Variants in DCC observed in about 807,000 individuals in gnomAD.
DCC encodes netrin receptor DCC.
A neutral mutation model predicts 172.5 loss-of-function variants in DCC; 58 were observed. That is an observed-to-expected ratio of 0.34 (90% CI 0.27 to 0.42). The LOEUF is 0.42. DCC is among the 10% of genes least tolerant of loss of function. The probability of loss-of-function intolerance (pLI) is 1.00; values close to 1 mark genes in which losing one functional copy is unlikely to be tolerated. For synonymous variants in DCC, 709 were observed against 644.5 expected, an observed-to-expected ratio of 1.10 and a Z score of -1.52; for missense variants, 1,740 against 1,791.0, an observed-to-expected ratio of 0.97 and a Z score of 0.51.
chr18:52,666,098 C>G (rs370118578), intron 1 of DCC, among the ~76,000 whole-genome samples: 14 of 152,148 alleles, frequency 9.2e-5, no homozygotes, highest in African/African-American at 3.4e-4. Flanking sequence ...ACCAGCCTGG[C>G]CAACACGGTG....
intron 5 of DCC, among the ~76,000 whole-genome samples, chr18:52,970,829 G>A (rs1488095935): frequency 6.6e-6 from 1 of 152,132 alleles, no homozygotes; most frequent in Non-Finnish European, 1.5e-5. Flanking sequence ...AACAAGTGGA[G>A]CTTGGGGTAT....
intron 5 of DCC, among the ~76,000 whole-genome samples, chr18:53,054,231 C>A (rs2042372469): frequency 6.6e-6 from 1 of 151,702 alleles, no homozygotes; most frequent in Non-Finnish European, 1.5e-5. Flanking sequence ...ATTTTTTTAT[C>A]TGCAGTCGGT....
At chr18:53,166,819 G>C (rs1162021873) in intron 8 of DCC, among the ~76,000 whole-genome samples, 1 of 152,164 alleles carries the variant, frequency 6.6e-6, no homozygotes, top group Non-Finnish European at 1.5e-5. Context: ...TTATCTGGCA[G>C]TGAAACATCT....
intron 2 of DCC, among the ~76,000 whole-genome samples, chr18:52,841,321 A>G (rs1014243880): frequency 3.3e-5 from 5 of 152,076 alleles, no homozygotes; most frequent in Non-Finnish European, 7.4e-5. Context: ...ATGCATGTAG[A>G]GTGCATTGTA....
At chr18:52,993,730 T>C (rs2041432682) in intron 5 of DCC, among the ~76,000 whole-genome samples, 1 of 152,164 alleles carries the variant, frequency 6.6e-6, no homozygotes, top group African/African-American at 2.4e-5. Flanking sequence ...ATATTTCTGC[T>C]GTTTCAGTGA....
intron 1 of DCC, among the ~76,000 whole-genome samples, chr18:52,350,621 A>C (rs1984078331): frequency 6.6e-6 from 1 of 152,302 alleles, no homozygotes; most frequent in Non-Finnish European, 1.5e-5. Flanking sequence ...CTGTGTAACA[A>C]ATCTGCACTT....
chr18:52,533,956 A>G (rs2032220213), intron 1 of DCC, among the ~76,000 whole-genome samples: 1 of 151,960 alleles, frequency 6.6e-6, no homozygotes, highest in Non-Finnish European at 1.5e-5. Flanking sequence ...TAGGTAGTGA[A>G]TATGTGGACT....
At chr18:53,004,191 C>T (rs1000008414) in intron 5 of DCC, among the ~76,000 whole-genome samples, 1 of 152,166 alleles carries the variant, frequency 6.6e-6, no homozygotes, top group Non-Finnish European at 1.5e-5. Context: ...TGTGAAATCC[C>T]TGAAAATGTG....
intron 1 of DCC, among the ~76,000 whole-genome samples, chr18:52,450,800 C>A (rs1333685487): frequency 6.6e-6 from 1 of 152,092 alleles, no homozygotes; most frequent in Non-Finnish European, 1.5e-5. Context: ...GAGAAAATGG[C>A]TACCACTATA....
At chr18:52,490,868 C>A (rs184648217) in intron 1 of DCC, among the ~76,000 whole-genome samples, 110 of 152,164 alleles carry the variant, frequency 7.2e-4, no homozygotes, top group Non-Finnish European at 8.2e-4. Context: ...TAAAGTGAAA[C>A]AAGAGTCTGT....
intron 5 of DCC, among the ~76,000 whole-genome samples, chr18:52,948,464 C>T (rs2040584778): frequency 6.6e-6 from 1 of 152,050 alleles, no homozygotes; most frequent in East Asian, 1.9e-4. Flanking sequence ...AGCTATATAC[C>T]GGATACTGTG....
chr18:53,322,329 C>T (rs1364220147), intron 14 of DCC, among the ~76,000 whole-genome samples, 172 bp downstream of exon 14: 1 of 152,068 alleles, frequency 6.6e-6, no homozygotes, highest in East Asian at 1.9e-4. Context: ...TTCAACAATG[C>T]CATGTAAATA....
At chr18:52,444,687 C>T (rs1216596203) in intron 1 of DCC, among the ~76,000 whole-genome samples, 1 of 152,130 alleles carries the variant, frequency 6.6e-6, no homozygotes, top group Non-Finnish European at 1.5e-5. Flanking sequence ...CCACATTCTC[C>T]TGTGATCTAT....
At chr18:52,691,557 A>G (rs889938994) in intron 1 of DCC, among the ~76,000 whole-genome samples, 2 of 152,060 alleles carry the variant, frequency 1.3e-5, no homozygotes, top group Non-Finnish European at 2.9e-5. Context: ...ACATCACTCC[A>G]ATCTCTGGCT....
intron 14 of DCC, among the ~76,000 whole-genome samples, chr18:53,334,837 T>C (rs1349119314): frequency 1.3e-5 from 2 of 152,204 alleles, no homozygotes; most frequent in African/African-American, 4.8e-5. Flanking sequence ...ATTTATACAT[T>C]GGTGGAAACT....
At chr18:52,946,468 A>ATT (rs112763445) in intron 5 of DCC, among the ~76,000 whole-genome samples, 1 of 150,502 alleles carries the variant, frequency 6.6e-6, no homozygotes. Context: ...TTAAAATGAC[A>ATT]TTTTTTTTTT....
At chr18:52,590,722 C>T (rs1349932) in intron 1 of DCC, among the ~76,000 whole-genome samples, 6,268 of 152,264 alleles carry the variant, frequency 0.041, 160 homozygotes, top group Non-Finnish European at 0.054. Context: ...ATTCCCAGTG[C>T]CCCCATGGTA....
At chr18:53,393,165 A>T (rs201051250) in intron 17 of DCC, among the ~76,000 whole-genome samples, 1 of 151,754 alleles carries the variant, frequency 6.6e-6, no homozygotes, top group Non-Finnish European at 1.5e-5. Flanking sequence ...ATGTTTTTTA[A>T]CCCCAATCCT....
chr18:52,750,653 C>CGT (rs2036980503), intron 1 of DCC, among the ~76,000 whole-genome samples: 6 of 152,072 alleles, frequency 3.9e-5, no homozygotes, highest in Non-Finnish European at 8.8e-5. Flanking sequence ...CAAATAAAAC[C>CGT]AGGGAGAAAC....
Sources: gnomAD v4.1 joint callset for allele counts (sites outside exome capture counted in the v4.1 genomes callset) on GRCh38, gnomAD v4.1.1 for gene constraint, MANE v1.5 for transcripts, NCBI Gene and HGNC (gene_info 2026-07-23, HGNC 2026-07-21) for gene names.